Variants in GARIN1A observed in about 807,000 individuals in gnomAD.
GARIN1A encodes the protein golgi associated RAB2 interactor 1A, also known as Golgi-associated RAB2 interactor protein 1A.
At chr7:128,682,458 CG>C in the GARIN1A span, among the ~76,000 whole-genome samples, 2 of 152,194 alleles carry the variant, frequency 1.3e-5, no homozygotes, top group African/African-American at 4.8e-5. Context: ...TTTCTCTCCT[CG>C]GGTTGCCCTT....
chr7:128,702,601 C>T, the GARIN1A span, among the ~76,000 whole-genome samples: 1 of 151,792 alleles, frequency 6.6e-6, no homozygotes, highest in South Asian at 2.1e-4. Flanking sequence ...TGATCAATAA[C>T]CCCCCCAAAA....
the GARIN1A span, among the ~76,000 whole-genome samples, chr7:128,673,376 G>A: frequency 6.6e-6 from 1 of 150,580 alleles, no homozygotes; most frequent in Non-Finnish European, 1.5e-5. Flanking sequence ...TTCATTCAAG[G>A]CATTCTCTCT....
At chr7:128,706,026 CCTCTCT>C in the GARIN1A span, among the ~76,000 whole-genome samples, 1 of 151,744 alleles carries the variant, frequency 6.6e-6, no homozygotes, top group Non-Finnish European at 1.5e-5. Flanking sequence ...GGAAGAGGTT[CCTCTCT>C]CTCTCCCTCT....
the GARIN1A span, among the ~76,000 whole-genome samples, chr7:128,679,078 C>T: frequency 1.4e-5 from 2 of 145,492 alleles, no homozygotes; most frequent in African/African-American, 5.2e-5. Context: ...TTATATATAA[C>T]ACAAGATTGT....
the GARIN1A span, among the ~76,000 whole-genome samples, chr7:128,704,726 A>G: frequency 1.1e-4 from 17 of 152,176 alleles, no homozygotes; most frequent in Non-Finnish European, 5.9e-5. Context: ...TTGGGTGATA[A>G]TGTAAGCAAT....
the GARIN1A span, chr7:128,675,718 C>T: frequency 6.2e-7 from 1 of 1,613,912 alleles, no homozygotes; most frequent in Non-Finnish European, 8.5e-7. Flanking sequence ...GAAGGGTCTG[C>T]CACCGTGATC....
chr7:128,703,897 G>A, the GARIN1A span, among the ~76,000 whole-genome samples: 5,508 of 152,266 alleles, frequency 0.036, 136 homozygotes, highest in Non-Finnish European at 0.05. Flanking sequence ...GGAACAGCAC[G>A]AGAGGTGACT....
chr7:128,672,309 TG>T, the GARIN1A span: 1 of 1,120,782 alleles, frequency 8.9e-7, no homozygotes, highest in Non-Finnish European at 1.3e-6. Context: ...GCTGGGGAGG[TG>T]GGGGCAGATC....
the GARIN1A span, chr7:128,677,986 C>A: frequency 2.1e-6 from 1 of 469,834 alleles, no homozygotes; most frequent in African/African-American, 2.0e-5. Context: ...TTTGACCAGT[C>A]CCTAATATTA....
chr7:128,679,091 T>TTATA, the GARIN1A span, among the ~76,000 whole-genome samples: 4 of 150,198 alleles, frequency 2.7e-5, no homozygotes, highest in African/African-American at 7.3e-5. Flanking sequence ...AAGATTGTTT[T>TTATA]TATATATATA....
chr7:128,672,660 G>GT, the GARIN1A span: 1 of 469,476 alleles, frequency 2.1e-6, no homozygotes, highest in South Asian at 2.1e-5. Flanking sequence ...GGGGGGGGCG[G>GT]GGGGACAAAG....
At chr7:128,673,858 C>G in the GARIN1A span, among the ~76,000 whole-genome samples, 1 of 152,076 alleles carries the variant, frequency 6.6e-6, no homozygotes, top group Non-Finnish European at 1.5e-5. Flanking sequence ...GATCCAATTT[C>G]TAGTCATTTC....
the GARIN1A span, among the ~76,000 whole-genome samples, chr7:128,701,241 G>A: frequency 5.4e-5 from 8 of 148,352 alleles, no homozygotes; most frequent in South Asian, 4.4e-4. Context: ...GTAAATGCTC[G>A]CTTCCACCAA....
the GARIN1A span, chr7:128,677,582 C>T: frequency 4.4e-6 from 7 of 1,608,626 alleles, no homozygotes; most frequent in East Asian, 4.5e-5. Context: ...CCCTGAAGTA[C>T]GTGGAGCTAC....
At chr7:128,677,987 C>T in the GARIN1A span, 1 of 467,988 alleles carries the variant, frequency 2.1e-6, no homozygotes, top group Non-Finnish European at 3.7e-6. Flanking sequence ...TTGACCAGTC[C>T]CTAATATTAA....
the GARIN1A span, chr7:128,680,167 T>A: frequency 2.1e-6 from 3 of 1,455,412 alleles, no homozygotes; most frequent in South Asian, 2.6e-5. Flanking sequence ...CTCTGTGGGG[T>A]CAGCTCCAGA....
chr7:128,672,232 C>T, the GARIN1A span: 2 of 548,770 alleles, frequency 3.6e-6, no homozygotes, highest in Admixed American at 3.4e-5. Flanking sequence ...GATGTCATTC[C>T]TGCCATTGTG....
At chr7:128,698,394 C>A in the GARIN1A span, among the ~76,000 whole-genome samples, 8 of 152,202 alleles carry the variant, frequency 5.3e-5, no homozygotes, top group South Asian at 1.0e-3. Context: ...GGCAGCCTCT[C>A]CTGCTCCCTG....
chr7:128,708,411 T>C, the GARIN1A span, among the ~76,000 whole-genome samples: 1 of 152,168 alleles, frequency 6.6e-6, no homozygotes, highest in East Asian at 1.9e-4. Flanking sequence ...CCTATTCTCA[T>C]GAGGTAATCC....
Sources: gnomAD v4.1 joint callset for allele counts (sites outside exome capture counted in the v4.1 genomes callset) on GRCh38, gnomAD v4.1.1 for gene constraint, MANE v1.5 for transcripts, NCBI Gene and HGNC (gene_info 2026-07-23, HGNC 2026-07-21) for gene names.